The following PPP1R12C variants were observed in gnomAD, a reference collection of about 807,000 sequenced individuals.
PPP1R12C encodes leukocyte receptor cluster (LRC) encoded novel gene 3.
A neutral mutation model predicts 95.6 loss-of-function variants in PPP1R12C; 48 were observed. The ratio of observed to expected loss-of-function variants is 0.50; its 90% CI spans 0.40 to 0.64. PPP1R12C has a LOEUF of 0.64. PPP1R12C is among the 30% of genes least tolerant of loss of function. The pLI is 0.00. For synonymous variants in PPP1R12C, 480 were observed against 460.8 expected (o/e 1.04, Z -0.53); for missense variants, 1,057 against 1,083.3 (o/e 0.98, Z 0.34).
intron 6 of PPP1R12C, among the ~76,000 whole-genome samples, chr19:55,098,444 C>G (rs888556082): frequency 6.6e-6 from 1 of 152,236 alleles, no homozygotes; most frequent in African/African-American, 2.4e-5. Context: ...ACCAGCCCAG[C>G]CTGAGTCTAG....
intron 3 of PPP1R12C, among the ~76,000 whole-genome samples, chr19:55,105,029 CA>C (rs2085022557): frequency 6.7e-6 from 1 of 149,958 alleles, no homozygotes; most frequent in South Asian, 2.1e-4. Flanking sequence ...CTCGGCCTCC[CA>C]AAGTGCTGAA....
chr19:55,117,296 T>C lies in PPP1R12C; in HGVS notation c.248A>G (p.Asp83Gly), dbSNP rs1030909322. ...GCGGGCGGGCGGCGGCGCGGCGGGG[T>C]CGAGCTCGGCGCCGGGGCCAGGGTC... ...AADPGPGAEL[D>G]PAAPPPARAV... Residue 83 changes from aspartate to glycine, a missense_variant, in exon 1 of 22, where the codon GAC (aspartate) becomes GGC (glycine). By Grantham distance (94) the Asp-to-Gly change is moderately conservative. This residue lies in a region of PPP1R12C where 282 missense variants were observed against 380.4 expected (regional missense o/e 0.74). Transcript: ENST00000263433. 629 of 1,210,322 alleles carry C rather than the reference T, an allele frequency of 5.2e-4. 1 individual carries two copies. The highest frequency in any genetic ancestry group is 6.1e-4 in the Non-Finnish European group (593 of 976,586). The allele number at this position is 1,210,322 out of a possible 1,614,324, so 75.0% of individuals were successfully genotyped here. A position where few individuals can be genotyped will look rare whatever the true frequency, so the allele number is the denominator to read the frequency against.
At chr19:55,107,853 AAAAAAT>A (rs745906629) in intron 3 of PPP1R12C, among the ~76,000 whole-genome samples, 30 of 152,024 alleles carry the variant, frequency 2.0e-4, no homozygotes, top group Non-Finnish European at 3.2e-4. Flanking sequence ...TTAAAAAAAT[AAAAAAT>A]AAAAATAAAA....
chr19:55,091,919 A>G lies in PPP1R12C; in HGVS notation c.2161-10T>C. 1 of 1,613,018 alleles carries G rather than the reference A, an allele frequency of 6.2e-7. No individual in the cohort carries two copies. Among genetic ancestry groups the G allele is most frequent in the Non-Finnish European group, 8.5e-7 (1 of 1,179,930 alleles). The stretch of plus-strand genomic sequence containing the variant: ...CGAAGCGTTCTTGCCTCTGGTGAGG[A>G]CACAGAAAGCACAGGGGTCAGCAGA... On this transcript the variant is annotated splice_polypyrimidine_tract_variant and intron_variant, in intron 19 of 21. Transcript: ENST00000263433.
chr19:55,099,248 C>T (rs1454793657), intron 4 of PPP1R12C, among the ~76,000 whole-genome samples, 153 bp from the exon 5 acceptor site: 1 of 152,118 alleles, frequency 6.6e-6, no homozygotes, highest in Non-Finnish European at 1.5e-5. Flanking sequence ...CATCCGCTGC[C>T]ACAAGAGGCC....
Position 55,093,203 on chromosome 19 carries a change from C to T in PPP1R12C, c.1714G>A (p.Glu572Lys), listed in dbSNP as rs2084868228. 1 of 1,613,620 alleles carries T rather than the reference C, an allele frequency of 6.2e-7. No individual in the cohort carries two copies. The highest frequency in any genetic ancestry group is 8.5e-7 in the Non-Finnish European group (1 of 1,179,966). The change falls in exon 14 of 22, where the codon GAG (glutamate) becomes AAG (lysine). Residue 572 changes from glutamate (E) to lysine (K), a missense_variant. Glu to Lys is a moderately conservative substitution (Grantham distance 56). Coordinates refer to ENST00000263433, the MANE Select transcript of PPP1R12C (RefSeq NM_017607.4). ...GVTLTDLKEA[E>K]KAAGKAPESE... ...TCTGGGGCCTTCCCTGCAGCCTTCT[C>T]TGCCTCCTTCAGGTCTGTAAGAGTC...
chr19:55,104,180 G>GTATATATA (rs756594022), intron 3 of PPP1R12C, among the ~76,000 whole-genome samples: 1 of 72,824 alleles, frequency 1.4e-5, no homozygotes, highest in African/African-American at 4.6e-5. Flanking sequence ...AAAAAAAAAA[G>GTATATATA]TATATATATA....
At chr19:55,102,767 TC>T (rs2084992349) in intron 4 of PPP1R12C, among the ~76,000 whole-genome samples, 1 of 152,214 alleles carries the variant, frequency 6.6e-6, no homozygotes, top group Non-Finnish European at 1.5e-5. Context: ...ATGACACCAT[TC>T]TTTTCCGACT....
intron 2 of PPP1R12C, 39 bp downstream of exon 2, chr19:55,112,626 C>G: frequency 6.2e-7 from 1 of 1,612,462 alleles, no homozygotes; most frequent in Non-Finnish European, 8.5e-7. Flanking sequence ...TCCAGGCCCC[C>G]ACCCCGACCA....
Position 55,091,394 on chromosome 19 carries a change from A to G in PPP1R12C, c.*78T>C, listed in dbSNP as rs2084837126. The G allele has an allele frequency of 7.2e-7, 1 of 1,388,074 alleles. No individual in the cohort carries two copies. Among genetic ancestry groups the G allele is most frequent in the African/African-American group, 1.4e-5 (1 of 69,882 alleles). The allele number at this position is 1,388,074 out of a possible 1,614,324, so 86.0% of individuals were successfully genotyped here. On this transcript the variant is annotated 3_prime_UTR_variant, in exon 22 of 22. Transcript: ENST00000263433. ...CTGAGACTTCCCCCGGAGCCCTGTC[A>G]CTCGTGTTCACACGGGGGAAGGGGT...
intron 3 of PPP1R12C, among the ~76,000 whole-genome samples, chr19:55,110,528 T>C (rs1052329130): frequency 6.6e-6 from 1 of 152,174 alleles, no homozygotes; most frequent in African/African-American, 2.4e-5. Context: ...GCAGGAGGTT[T>C]TCCTTGTGGC....
At chr19:55,102,110 C>A (rs557205721) in intron 4 of PPP1R12C, among the ~76,000 whole-genome samples, 2 of 152,094 alleles carry the variant, frequency 1.3e-5, no homozygotes, top group Non-Finnish European at 2.9e-5. Flanking sequence ...AGGATGAGAA[C>A]TGGAACCAAC....
chr19:55,103,891 C>T (rs2085005018), intron 3 of PPP1R12C, among the ~76,000 whole-genome samples: 1 of 151,434 alleles, frequency 6.6e-6, no homozygotes, highest in African/African-American at 2.4e-5. Context: ...TGGCTCATGC[C>T]TGCAATCCCA....
Position 55,095,326 on chromosome 19 carries a change from C to T in PPP1R12C, c.1419G>A (p.Pro473=), listed in dbSNP as rs774993302. The change falls in exon 11 of 22, where the codon CCG becomes CCA. Residue 473 remains proline (P), a synonymous_variant. Coordinates refer to ENST00000263433, the MANE Select transcript of PPP1R12C (RefSeq NM_017607.4). ...GCTCCGGCAGCTTCGGGGAGGGGGT[C>T]GGGGTAATTCTGGCAAGACGGAGCT... The part of the protein sequence containing the change: ...AKELRLARIT[P]TPSPKLPEPS... The T allele has an allele frequency of 5.0e-6, 8 of 1,590,060 alleles. No homozygotes were observed. The highest frequency in any genetic ancestry group is 1.8e-5 in the Admixed American group (1 of 56,708).
Position 55,112,522 on chromosome 19 carries a change from G to T in PPP1R12C, c.516C>A (p.Asp172Glu). ...CCTCCATGGCGTCCGACTCGGCCAG[G>T]TCCAGGGGCAGGTCCCCGTCACTGT... ...AVNSDGDLPL[D>E]LAESDAMEGL... Residue 172 changes from aspartate to glutamate, a missense_variant, in exon 3 of 22, where the codon GAC (aspartate) becomes GAA (glutamate). Physicochemically the swap from Asp to Glu is conservative, Grantham distance 45 (BLOSUM62 2). Around this residue, in one of 5 missense-constraint regions of PPP1R12C, gnomAD observed 282 missense variants for 380.4 expected, o/e 0.74. Coordinates refer to ENST00000263433, the MANE Select transcript of PPP1R12C (RefSeq NM_017607.4). The T allele has an allele frequency of 6.2e-7, 1 of 1,613,522 alleles. No individual in the cohort carries two copies.
At chr19:55,117,001 G>T (rs1345253932) in intron 1 of PPP1R12C, among the ~76,000 whole-genome samples, 1 of 152,160 alleles carries the variant, frequency 6.6e-6, no homozygotes, top group East Asian at 1.9e-4. Flanking sequence ...TCAGCACAGA[G>T]TGGCTAAGCC....
rs1348781448 is a variant in PPP1R12C at position 55,092,638 on chromosome 19, G to A, written c.1936C>T (p.Arg646Cys). Residue 646 changes from arginine (R) to cysteine (C), a missense_variant, in exon 17 of 22, where the codon CGC becomes TGC. Arg to Cys is a radical substitution (Grantham distance 180, BLOSUM62 -3). Around this residue, in one of 5 missense-constraint regions of PPP1R12C, gnomAD observed 347 missense variants for 307.9 expected, o/e 1.13. Transcript: ENST00000263433. ...CGCCCCTACCTGGACTCCTGGCTGC[G>A]GTCAGCCGGCTCCGCCTCCTCCCCC... ...AEGEEAEPAD[R>C]SQESSTLEGG... The A allele has an allele frequency of 1.1e-5, 17 of 1,534,548 alleles. No homozygotes were observed. In the South Asian group the frequency reaches 1.4e-4, roughly 13 times the overall value.
chr19:55,095,205 A>T, intron 11 of PPP1R12C, 86 bp downstream of exon 11: 1 of 1,386,564 alleles, frequency 7.2e-7, no homozygotes, highest in Non-Finnish European at 1.0e-6. Flanking sequence ...CCCAGGGGGT[A>T]CATGGTCTCA....
Position 55,117,503 on chromosome 19 carries a change from GCCGCCC to G in PPP1R12C, c.35_40del (p.Gly12_Ala13del). ...TCGCCGCTCCCGGGCAGCCGCCGCCGCCGCCCCCGGGCCAGCCGCCGGGCCATCCTC... is the reference window on the plus strand; with the variant it reads ...TCGCCGCTCCCGGGCAGCCGCCGCCGCCGGGCCAGCCGCCGGGCCATCCTC... On this transcript the variant is annotated inframe_deletion, in exon 1 of 22. Coordinates refer to ENST00000263433, the MANE Select transcript of PPP1R12C (RefSeq NM_017607.4). 1 of 1,024,586 alleles carries G rather than the reference GCCGCCC, an allele frequency of 9.8e-7. No individual in the cohort carries two copies. The highest frequency in any genetic ancestry group is 1.2e-6 in the Non-Finnish European group (1 of 856,230). The allele number at this position is 1,024,586 out of a possible 1,614,324, so 63.5% of individuals were successfully genotyped here. A position where few individuals can be genotyped will look rare whatever the true frequency, so the allele number is the denominator to read the frequency against.
Sources: gnomAD v4.1 joint callset for allele counts (sites outside exome capture counted in the v4.1 genomes callset) on GRCh38, gnomAD v4.1.1 for gene constraint, gnomAD v4.1.1 regional missense constraint, MANE v1.5 for transcripts, NCBI Gene and HGNC (gene_info 2026-07-23, HGNC 2026-07-21) for gene names.